The following PPM1H variants were observed in gnomAD, a reference collection of about 807,000 sequenced individuals.
PPM1H encodes the protein protein phosphatase, Mg2+/Mn2+ dependent 1H.
PPM1H carries 27 observed loss-of-function variants against 54.9 expected under a neutral mutation model. The ratio of observed to expected loss-of-function variants is 0.49; its 90% confidence interval spans 0.36 to 0.68. The LOEUF (loss-of-function observed/expected upper bound fraction) is 0.68. Among genes scored for constraint, PPM1H ranks in the 30% least tolerant of loss-of-function variants. PPM1H has a pLI of 0.00. For missense variants in PPM1H, 596 were observed against 667.8 expected (o/e 0.89, Z 1.19); for synonymous variants, 305 against 270.8 (o/e 1.13, Z -1.24).
intron 6 of PPM1H, among the ~76,000 whole-genome samples, chr12:62,697,760 C>A (rs181953865): frequency 6.6e-6 from 1 of 152,032 alleles, no homozygotes; most frequent in Admixed American, 6.5e-5. Context: ...TTTTGAAATC[C>A]TAATTAAATT....
chr12:62,859,793 G>A (rs1869531419), intron 1 of PPM1H, among the ~76,000 whole-genome samples: 1 of 152,166 alleles, frequency 6.6e-6, no homozygotes, highest in Non-Finnish European at 1.5e-5. Context: ...AAAACCTAAG[G>A]AGAGGGCACA....
intron 1 of PPM1H, among the ~76,000 whole-genome samples, chr12:62,838,324 AGTGT>A (rs372368850): frequency 8.8e-6 from 1 of 113,724 alleles, no homozygotes; most frequent in African/African-American, 4.1e-5. Flanking sequence ...AGTAAAATAC[AGTGT>A]GTGTGTGTGT....
chr12:62,698,358 C>T (rs1169545933), intron 6 of PPM1H, among the ~76,000 whole-genome samples: 1 of 152,142 alleles, frequency 6.6e-6, no homozygotes, highest in Non-Finnish European at 1.5e-5. Flanking sequence ...CCCGCTGGCC[C>T]ATCTGGAAAA....
At chr12:62,724,012 G>A (rs748488830) in intron 5 of PPM1H, among the ~76,000 whole-genome samples, 12 of 152,188 alleles carry the variant, frequency 7.9e-5, no homozygotes, top group Middle Eastern at 3.4e-3. Flanking sequence ...ATTAAGACCC[G>A]ATTCCAGAGG....
chr12:62,891,322 T>G (rs1245534660), intron 1 of PPM1H, among the ~76,000 whole-genome samples: 3 of 152,154 alleles, frequency 2.0e-5, no homozygotes, highest in Non-Finnish European at 4.4e-5. Context: ...CAGTCTAAGA[T>G]CAACCAATAA....
At chr12:62,670,570 G>C (rs1194931320) in intron 8 of PPM1H, among the ~76,000 whole-genome samples, 2 of 152,260 alleles carry the variant, frequency 1.3e-5, no homozygotes, top group Non-Finnish European at 2.9e-5. Flanking sequence ...TATTCAAGCT[G>C]AAGTTGTCTT....
chr12:62,708,303 C>T (rs745370457), intron 6 of PPM1H, among the ~76,000 whole-genome samples: 3 of 152,186 alleles, frequency 2.0e-5, no homozygotes, highest in Non-Finnish European at 4.4e-5. Context: ...CTCTCCAGCT[C>T]TTGTGTGTGG....
At chr12:62,883,809 C>T (rs1870481408) in intron 1 of PPM1H, among the ~76,000 whole-genome samples, 1 of 152,052 alleles carries the variant, frequency 6.6e-6, no homozygotes, top group Non-Finnish European at 1.5e-5. Flanking sequence ...CAATTCAAAG[C>T]TCAGGAATTA....
intron 8 of PPM1H, among the ~76,000 whole-genome samples, chr12:62,678,236 C>T (rs2075998791): frequency 1.3e-5 from 2 of 152,224 alleles, no homozygotes; most frequent in South Asian, 2.1e-4. Flanking sequence ...CATGAGTCAC[C>T]ATGCCCAGGA....
In PPM1H at chr12:62,747,416, G is replaced by A. The variant is rs548477713; in HGVS notation, c.870-9830C>T. On this transcript the variant is annotated intron_variant, in intron 4 of 9. Coordinates refer to ENST00000228705, the MANE Select transcript of PPM1H (RefSeq NM_020700.2). The stretch of plus-strand genomic sequence containing the variant: ...CTCCCAAAGTGCTGGGATTATAGGC[G>A]TGAGCCACTGTGCCTGGCAATTTTT... 1.1e-3 allele frequency among the ~76,000 whole-genome samples: 165 copies of A among 152,314 alleles called. 1 individual carries two copies. Among genetic ancestry groups the A allele is most frequent in the Middle Eastern group, 3.4e-3 (1 of 294 alleles).
intron 1 of PPM1H, among the ~76,000 whole-genome samples, chr12:62,904,809 C>T (rs768721580): frequency 3.9e-5 from 6 of 152,118 alleles, no homozygotes; most frequent in Admixed American, 3.3e-4. Flanking sequence ...AAAATAGTAG[C>T]GTGCCCAAAA....
At chr12:62,655,202 ACTCAG>A (rs2075837489) in intron 9 of PPM1H, among the ~76,000 whole-genome samples, 1 of 151,972 alleles carries the variant, frequency 6.6e-6, no homozygotes, top group South Asian at 2.1e-4. Flanking sequence ...AACCCCGGGG[ACTCAG>A]CTCTTGGGAG....
chr12:62,751,421 C>A (rs746167160), intron 4 of PPM1H, among the ~76,000 whole-genome samples: 1 of 152,208 alleles, frequency 6.6e-6, no homozygotes, highest in Non-Finnish European at 1.5e-5. Flanking sequence ...TCATCACACT[C>A]GCTTTCACGC....
chr12:62,782,015 TTTTG>T (rs2076645701), intron 4 of PPM1H, among the ~76,000 whole-genome samples: 1 of 152,060 alleles, frequency 6.6e-6, no homozygotes, highest in Non-Finnish European at 1.5e-5. Flanking sequence ...GAGTTGTTGA[TTTTG>T]TTTTTTTTCT....
At chr12:62,675,413 T>G (rs1174539331) in intron 8 of PPM1H, among the ~76,000 whole-genome samples, 2 of 152,206 alleles carry the variant, frequency 1.3e-5, no homozygotes, top group African/African-American at 2.4e-5. Context: ...AATGAATTAG[T>G]GAATGAATGG....
intron 1 of PPM1H, among the ~76,000 whole-genome samples, chr12:62,887,559 T>G (rs1329292313): frequency 6.6e-6 from 1 of 152,236 alleles, no homozygotes; most frequent in Non-Finnish European, 1.5e-5. Context: ...CTAGGCTGTT[T>G]TAGATTCTAA....
At chr12:62,679,703 T>G (rs966938155) in intron 8 of PPM1H, among the ~76,000 whole-genome samples, 27 of 152,212 alleles carry the variant, frequency 1.8e-4, no homozygotes, top group African/African-American at 6.5e-4. Context: ...GTTTCCTGAT[T>G]GCAACCCGGC....
At chr12:62,762,585 G>A (rs117660122) in intron 4 of PPM1H, among the ~76,000 whole-genome samples, 77 of 152,354 alleles carry the variant, frequency 5.1e-4, no homozygotes, top group African/African-American at 1.2e-3. Flanking sequence ...CCATGTGGAG[G>A]GTGCTAGGGG....
intron 8 of PPM1H, among the ~76,000 whole-genome samples, chr12:62,686,012 C>G (rs930984828): frequency 1.3e-5 from 2 of 152,182 alleles, no homozygotes; most frequent in African/African-American, 4.8e-5. Context: ...TTTCTAAGAG[C>G]ATTTAAATTT....
Sources: allele counts gnomAD v4.1 joint callset (sites outside exome capture counted in the v4.1 genomes callset), GRCh38; gene constraint gnomAD v4.1.1; transcripts MANE v1.5; gene names NCBI Gene and HGNC (gene_info 2026-07-23, HGNC 2026-07-21).